Variants in BRD2 observed in about 807,000 individuals in gnomAD.
The protein encoded by BRD2 is bromodomain containing 2, also known as bromodomain-containing protein 2.
BRD2 carries 15 observed loss-of-function variants against 79.1 expected under a neutral mutation model. The ratio of observed to expected loss-of-function variants is 0.19; its 90% CI spans 0.13 to 0.29. The LOEUF (loss-of-function observed/expected upper bound fraction) is 0.29, where lower values mean the gene tolerates loss of function less well. BRD2 is among the 10% of genes least tolerant of loss of function. The pLI is 1.00. For missense variants in BRD2, 1,053 were observed against 991.3 expected (o/e 1.06, Z -0.84); for synonymous variants, 488 against 358.6 (o/e 1.36, Z -4.08).
intron 3 of BRD2, 112 bp from the exon 4 acceptor site, chr6:32,975,272 G>T: frequency 9.2e-7 from 1 of 1,089,908 alleles, no homozygotes; most frequent in Non-Finnish European, 1.3e-6. Context: ...CTGTTCCTTT[G>T]ATGCATAGGG....
rs1307580292 is a variant in BRD2 at position 32,981,174 on chromosome 6, A to T, written c.*456A>T. On this transcript the variant is annotated 3_prime_UTR_variant, in exon 13 of 13. Coordinates refer to ENST00000374825, the MANE Select transcript of BRD2 (RefSeq NM_005104.4). Reference sequence around the variant, plus strand: ...AAGGGGGAGCTCTTTTTTTACGTTGATTTTTTTTTTTCTACTCTGTTTTCC... The same window carrying T: ...AAGGGGGAGCTCTTTTTTTACGTTGTTTTTTTTTTTTCTACTCTGTTTTCC... 3.3e-5 allele frequency: 5 copies of T among 149,530 alleles called. No individual in the cohort carries two copies. Among genetic ancestry groups the T allele is most frequent in the South Asian group, 2.0e-4 (1 of 5,036 alleles). 9.3% of individuals were successfully genotyped at this position (149,530 alleles called of 1,614,324 possible).
intron 12 of BRD2, 44 bp downstream of exon 12, chr6:32,980,508 CCT>C (rs778880647): frequency 8.7e-6 from 14 of 1,612,262 alleles, no homozygotes; most frequent in Admixed American, 1.7e-5. Context: ...CTCCATCCTG[CCT>C]TCTTGACTGT....
intron 1 of BRD2, 150 bp downstream of exon 1, chr6:32,969,206 AG>A (rs963249359): frequency 6.2e-6 from 2 of 322,106 alleles, no homozygotes; most frequent in South Asian, 2.3e-5. Flanking sequence ...GGGAGCGTGG[AG>A]GGGGGGCGAG....
At position 32,972,628 on chromosome 6, in the gene BRD2, T is replaced by A; in HGVS notation, c.-271T>A. On this transcript the variant is annotated 5_prime_UTR_variant, in exon 2 of 13. Transcript: ENST00000374825. ...AGATCGGGGACCGTCTTTTGAAGAG[T>A]CAGTCCCTCCTTAGTTGCCCGCCTC... The A allele has an allele frequency of 3.4e-6, 2 of 580,918 alleles. No homozygotes were observed. Among genetic ancestry groups the A allele is most frequent in the Non-Finnish European group, 6.1e-6 (2 of 326,516 alleles). 36.0% of individuals were successfully genotyped at this position (580,918 alleles called of 1,614,324 possible). A position where few individuals can be genotyped will look rare whatever the true frequency, so the allele number is the denominator to read the frequency against.
chr6:32,971,550 G>A (rs1303009723), intron 1 of BRD2, 45 bp from the exon 2 acceptor site: 3 of 458,984 alleles, frequency 6.5e-6, no homozygotes, highest in Non-Finnish European at 1.1e-5. Flanking sequence ...CGCCATAGAG[G>A]AGCAGGCCGC....
chr6:32,972,489 T>G lies in BRD2; in HGVS notation c.-410T>G. On this transcript the variant is annotated 5_prime_UTR_variant, in exon 2 of 13. Transcript: ENST00000374825. Reference sequence around the variant, plus strand: ...CGGCGGCTCCCTAAACCACTTTTCGTGTTCATCCGCCTCCATCCGAGATCG... The same window carrying G: ...CGGCGGCTCCCTAAACCACTTTTCGGGTTCATCCGCCTCCATCCGAGATCG... 3.3e-6 allele frequency: 1 copy of G among 305,238 alleles called. No homozygotes were observed. The allele number at this position is 305,238 out of a possible 1,614,324, so 18.9% of individuals were successfully genotyped here.
At chr6:32,973,061 G>T (rs1368278060) in intron 2 of BRD2, 134 bp downstream of exon 2, 4 of 1,596,434 alleles carry the variant, frequency 2.5e-6, no homozygotes, top group Non-Finnish European at 3.4e-6. Flanking sequence ...TCGGTCGCGC[G>T]GAGGGAATTG....
At position 32,972,734 on chromosome 6, in the gene BRD2, A is replaced by G. The variant is rs1206991789; in HGVS notation, c.-165A>G. The G allele has an allele frequency of 7.6e-6, 8 of 1,056,526 alleles. No individual in the cohort carries two copies. The highest frequency in any genetic ancestry group is 2.8e-6 in the Non-Finnish European group (2 of 714,710). The allele number at this position is 1,056,526 out of a possible 1,614,324, so 65.4% of individuals were successfully genotyped here. On this transcript the variant is annotated 5_prime_UTR_variant, in exon 2 of 13. Coordinates refer to ENST00000374825, the MANE Select transcript of BRD2 (RefSeq NM_005104.4). ...GCCCGGAGCTCTCCGAGAGGCCCCA[A>G]AGAGACTGCTTTCGTGCCGGCCAGG... is the stretch of plus-strand genomic sequence containing the variant.
At chr6:32,977,265 A>G in intron 7 of BRD2, 177 bp from the exon 8 acceptor site, 1 of 1,553,342 alleles carries the variant, frequency 6.4e-7, no homozygotes. Flanking sequence ...TCTAGACATA[A>G]ATATTTCTTC....
Position 32,976,726 on chromosome 6 carries a change from C to T in BRD2, c.990C>T (p.Asp330=), listed in dbSNP as rs769855916. The change falls in exon 7 of 13, where the codon GAC becomes GAT. Residue 330 remains aspartate, a synonymous_variant. Coordinates refer to ENST00000374825, the MANE Select transcript of BRD2 (RefSeq NM_005104.4). Reference sequence around the variant, plus strand: ...GCCCCATCAAGCCCCCACGCAAAGACTTGCCTGACTCTCAGCAACAACACC... The same window carrying T: ...GCCCCATCAAGCCCCCACGCAAAGATTTGCCTGACTCTCAGCAACAACACC... ...SGRPIKPPRK[D]LPDSQQQHQS... 6.2e-6 allele frequency: 10 copies of T among 1,613,176 alleles called. No individual in the cohort carries two copies. In the African/African-American group the frequency reaches 1.1e-4, roughly 17 times the overall value.
chr6:32,973,255 A>AGCG (rs1778274642), intron 2 of BRD2: 1 of 1,145,890 alleles, frequency 8.7e-7, no homozygotes, highest in African/African-American at 1.6e-5. Context: ...TCTGGTATCT[A>AGCG]GCGGCGGTCT....
intron 2 of BRD2, 35 bp from the exon 3 acceptor site, chr6:32,974,427 A>G (rs1237759796): frequency 6.3e-7 from 1 of 1,579,168 alleles, no homozygotes; most frequent in South Asian, 1.1e-5. Context: ...CCTCATTTGG[A>G]CGATATTGCC....
chr6:32,972,979 C>T, intron 2 of BRD2, 52 bp downstream of exon 2: 1 of 1,613,966 alleles, frequency 6.2e-7, no homozygotes, highest in Non-Finnish European at 8.5e-7. Context: ...GGCGGCGGCA[C>T]AGGGGTGTGG....
chr6:32,972,223 C>A lies in BRD2; in HGVS notation c.-676C>A. On this transcript the variant is annotated 5_prime_UTR_variant, in exon 2 of 13. Transcript: ENST00000374825. Reference sequence around the variant, plus strand: ...GCCATTTCGTGCTGGAGTGGAGCAGCCTCTAGAACGAGCTGGAGGATTCTG... The same window carrying A: ...GCCATTTCGTGCTGGAGTGGAGCAGACTCTAGAACGAGCTGGAGGATTCTG... The A allele has an allele frequency of 2.0e-6, 1 of 510,512 alleles. No homozygotes were observed. The allele number at this position is 510,512 out of a possible 1,614,324, so 31.6% of individuals were successfully genotyped here. A position where few individuals can be genotyped will look rare whatever the true frequency, so the allele number is the denominator to read the frequency against.
At chr6:32,978,415 A>C (rs1242078113) in intron 10 of BRD2, 27 bp downstream of exon 10, 1 of 1,601,212 alleles carries the variant, frequency 6.2e-7, no homozygotes, top group Non-Finnish European at 8.5e-7. Flanking sequence ...AGCAGAGACT[A>C]GTTTGGCTAT....
intron 3 of BRD2, chr6:32,975,050 G>C: frequency 6.6e-7 from 1 of 1,522,166 alleles, no homozygotes. Flanking sequence ...AGAGGACCAC[G>C]GTGGCCAAAA....
intron 1 of BRD2, 138 bp from the exon 2 acceptor site, chr6:32,971,457 T>A (rs1040506430): frequency 9.9e-6 from 4 of 402,478 alleles, no homozygotes; most frequent in African/African-American, 4.1e-5. Context: ...TGGAGTATTA[T>A]AAGACTCTGG....
Position 32,971,903 on chromosome 6 carries a change from C to T in BRD2, c.-996C>T, listed in dbSNP as rs1396174174. ...CTGGAGTCGGCGGACCACAGCTCAG[C>T]CAATTGGCTTGGAGATGTGGCGGGT... is the stretch of plus-strand genomic sequence containing the variant. On this transcript the variant is annotated 5_prime_UTR_variant, in exon 2 of 13. Coordinates refer to ENST00000374825, the MANE Select transcript of BRD2 (RefSeq NM_005104.4). The T allele has an allele frequency of 1.4e-6, 1 of 702,936 alleles. No homozygotes were observed. The allele number at this position is 702,936 out of a possible 1,614,324, so 43.5% of individuals were successfully genotyped here.
rs540613957 is a variant in BRD2, at chr6:32,972,797, C to T, written c.-102C>T. The T allele has an allele frequency of 1.9e-6, 3 of 1,572,092 alleles. No homozygotes were observed. Among genetic ancestry groups the T allele is most frequent in the Admixed American group, 3.3e-5 (2 of 59,770 alleles). On this transcript the variant is annotated 5_prime_UTR_variant, in exon 2 of 13. Transcript: ENST00000374825. ...CGCCTGGAGGCCCAAGAGGAACGGC[C>T]TCCCCCCAACTTAGCGGGTTATGCT...
Sources: allele counts gnomAD v4.1 joint callset, GRCh38; gene constraint gnomAD v4.1.1; transcripts MANE v1.5; gene names NCBI Gene and HGNC (gene_info 2026-07-23, HGNC 2026-07-21).